The following TRPM6 variants were observed in gnomAD, a reference collection of about 807,000 sequenced individuals.
TRPM6 encodes channel kinase 2.
TRPM6 carries 111 observed loss-of-function variants against 247.6 expected under a neutral mutation model. That is an observed-to-expected ratio of 0.45 (90% confidence interval 0.38 to 0.52). The LOEUF (loss-of-function observed/expected upper bound fraction) is 0.52. Among genes scored for constraint, TRPM6 ranks in the 20% least tolerant of loss-of-function variants. TRPM6 has a pLI of 0.00. For synonymous variants in TRPM6, 892 were observed against 853.8 expected (o/e 1.04, Z -0.78); for missense variants, 2,126 against 2,421.5 (o/e 0.88, Z 2.56).
At chr9:74,751,001 T>C (rs1052810933) in intron 29 of TRPM6, among the ~76,000 whole-genome samples, 1 of 152,152 alleles carries the variant, frequency 6.6e-6, no homozygotes, top group East Asian at 1.9e-4. Flanking sequence ...TTTTACAGAC[T>C]GAACATAGAA....
chr9:74,820,215 T>A, intron 9 of TRPM6, 89 bp downstream of exon 9: 1 of 1,427,166 alleles, frequency 7.0e-7, no homozygotes, highest in Non-Finnish European at 9.8e-7. Flanking sequence ...GTGTCCACCA[T>A]GTTTTTTTTT....
intron 7 of TRPM6, 106 bp downstream of exon 7, chr9:74,827,672 T>C (rs2118056206): frequency 1.7e-6 from 2 of 1,205,032 alleles, no homozygotes; most frequent in East Asian, 2.3e-5. Flanking sequence ...TTAAGGAGGC[T>C]AGCTTGAGGG....
chr9:74,839,077 T>C (rs1829826593), intron 5 of TRPM6, among the ~76,000 whole-genome samples: 1 of 136,198 alleles, frequency 7.3e-6, no homozygotes, highest in African/African-American at 2.9e-5. Context: ...ACCATTGCAC[T>C]CCAGCCTGGG....
Position 74,762,275 on chromosome 9 carries a change from A to G in TRPM6, c.4396T>C (p.Phe1466Leu), listed in dbSNP as rs777116757. Reference protein sequence around the residue: ...AFSEGDETGVFSIKKKWQTCL... With the variant: ...AFSEGDETGVLSIKKKWQTCL... ...GTTTGCCACTTTTTCTTGATGCTAA[A>G]CACACCAGTTTCATCACCTTCTGAA... is the stretch of plus-strand genomic sequence containing the variant. The change falls in exon 26 of 39, where the codon TTT (phenylalanine) becomes CTT (leucine). Residue 1466 changes from phenylalanine to leucine, a missense_variant. Coordinates refer to ENST00000360774, the MANE Select transcript of TRPM6 (RefSeq NM_017662.5). 4.3e-6 allele frequency: 7 copies of G among 1,614,180 alleles called. No individual in the cohort carries two copies. The South Asian group carries it at 6.6e-5, about 15-fold the overall frequency.
At chr9:74,776,628 A>T (rs1170587637) in intron 23 of TRPM6, among the ~76,000 whole-genome samples, 1 of 152,256 alleles carries the variant, frequency 6.6e-6, no homozygotes, top group Admixed American at 6.5e-5. Flanking sequence ...CAATAAAAGT[A>T]ACTCCTTATT....
At chr9:74,731,437 C>T (rs1331485466) in intron 37 of TRPM6, among the ~76,000 whole-genome samples, 1 of 151,838 alleles carries the variant, frequency 6.6e-6, no homozygotes, top group East Asian at 1.9e-4. Context: ...AGTGGTAACA[C>T]GGTCTCCACA....
intron 30 of TRPM6, among the ~76,000 whole-genome samples, chr9:74,749,465 T>C (rs1460727416): frequency 6.6e-6 from 1 of 152,228 alleles, no homozygotes; most frequent in Non-Finnish European, 1.5e-5. Flanking sequence ...TGTGTTCTTC[T>C]GGATCAATTA....
At chr9:74,823,366 T>A (rs1829200471) in intron 7 of TRPM6, among the ~76,000 whole-genome samples, 1 of 152,198 alleles carries the variant, frequency 6.6e-6, no homozygotes, top group Admixed American at 6.5e-5. Context: ...GCTATATGTG[T>A]CAAGATAAAA....
rs1231800569 is a variant in TRPM6, at chr9:74,762,447, C to T, written c.4224G>A (p.Glu1408=). The change falls in exon 26 of 39, where the codon GAG becomes GAA. Residue 1408 remains glutamate, a synonymous_variant. Transcript: ENST00000360774. ...ASVDEPKEKH[E]PIAHLLDGQD... ...GTCCATCCAGTAAGTGAGCAATAGG[C>T]TCGTGCTTTTCCTTGGGTTCATCCA... The T allele has an allele frequency of 1.2e-6, 2 of 1,614,056 alleles. No homozygotes were observed. Among genetic ancestry groups the T allele is most frequent in the East Asian group, 4.5e-5 (2 of 44,892 alleles).
intron 3 of TRPM6, among the ~76,000 whole-genome samples, chr9:74,847,847 C>T (rs1013648985): frequency 5.9e-5 from 9 of 151,966 alleles, no homozygotes; most frequent in Admixed American, 1.3e-4. Flanking sequence ...TTATGAAGCC[C>T]GTCTCAAGAA....
chr9:74,729,001 T>C (rs1234868849), intron 37 of TRPM6, among the ~76,000 whole-genome samples: 1 of 152,182 alleles, frequency 6.6e-6, no homozygotes, highest in Non-Finnish European at 1.5e-5. Flanking sequence ...TCAGTATATA[T>C]AAGGCACCTT....
At chr9:74,805,359 G>A (rs557229949) in intron 14 of TRPM6, among the ~76,000 whole-genome samples, 3 of 152,230 alleles carry the variant, frequency 2.0e-5, no homozygotes, top group East Asian at 1.9e-4. Context: ...GAGGGAGAAC[G>A]TTTACCACTA....
chr9:74,798,629 C>T (rs558940312), intron 17 of TRPM6, among the ~76,000 whole-genome samples: 1 of 152,244 alleles, frequency 6.6e-6, no homozygotes, highest in East Asian at 1.9e-4. Context: ...CATCTCTCTA[C>T]ATGGTTTTCC....
chr9:74,755,559 G>A, intron 27 of TRPM6, 86 bp from the exon 28 acceptor site: 1 of 1,539,082 alleles, frequency 6.5e-7, no homozygotes, highest in South Asian at 1.1e-5. Context: ...ATGGTGAAGG[G>A]CAGTGTCTGT....
intron 3 of TRPM6, among the ~76,000 whole-genome samples, chr9:74,844,635 A>T (rs868251498): frequency 1.3e-5 from 2 of 152,208 alleles, no homozygotes; most frequent in African/African-American, 4.8e-5. Flanking sequence ...GGCTGGTTTG[A>T]TCTTCCATCC....
chr9:74,801,624 T>G (rs990128706), intron 16 of TRPM6, among the ~76,000 whole-genome samples: 2 of 152,176 alleles, frequency 1.3e-5, no homozygotes, highest in Non-Finnish European at 2.9e-5. Context: ...CATTTCATAG[T>G]TAGGAAACTA....
intron 1 of TRPM6, among the ~76,000 whole-genome samples, chr9:74,871,787 C>T (rs1014468464): frequency 7.9e-5 from 12 of 151,888 alleles, no homozygotes; most frequent in Non-Finnish European, 1.5e-4. Context: ...TCAAGCAGTC[C>T]TCCCACCCTC....
intron 15 of TRPM6, among the ~76,000 whole-genome samples, chr9:74,802,729 A>G (rs1828389195): frequency 6.6e-6 from 1 of 152,250 alleles, no homozygotes; most frequent in African/African-American, 2.4e-5. Context: ...GTATCCAAAT[A>G]GATTGATTTG....
At chr9:74,771,223 C>A (rs1307782002) in intron 25 of TRPM6, among the ~76,000 whole-genome samples, 1 of 152,246 alleles carries the variant, frequency 6.6e-6, no homozygotes, top group East Asian at 1.9e-4. Flanking sequence ...CTTCTAGAAC[C>A]AGACCATCTA....
Sources: allele counts gnomAD v4.1 joint callset (sites outside exome capture counted in the v4.1 genomes callset), GRCh38; gene constraint gnomAD v4.1.1; transcripts MANE v1.5; gene names NCBI Gene and HGNC (gene_info 2026-07-23, HGNC 2026-07-21).